The following DNAJC17 variants were observed in gnomAD, a reference collection of about 807,000 sequenced individuals.
DNAJC17 encodes dnaJ homolog subfamily C member 17.
DNAJC17 carries 35 observed loss-of-function variants against 48.1 expected under a neutral mutation model. The ratio of observed to expected loss-of-function variants is 0.73; its 90% confidence interval spans 0.56 to 0.96. The LOEUF (loss-of-function observed/expected upper bound fraction) is 0.96, where lower values mean the gene tolerates loss of function less well. Ranked by LOEUF, DNAJC17 falls within the 50% of genes least tolerant of loss-of-function variation. The pLI, the probability that DNAJC17 is intolerant of heterozygous loss-of-function variation, is 0.00. For synonymous variants in DNAJC17, 117 were observed against 142.7 expected (o/e 0.82, Z 1.28); for missense variants, 355 against 377.1 (o/e 0.94, Z 0.48).
At chr15:40,779,841 C>T (rs1446632521) in intron 2 of DNAJC17, 87 bp downstream of exon 2, 17 of 1,439,404 alleles carry the variant, frequency 1.2e-5, no homozygotes, top group Non-Finnish European at 1.5e-5. Flanking sequence ...TTACACCCCA[C>T]AGCACTCACA....
rs1404867168 is a variant in DNAJC17 at position 40,769,373 on chromosome 15, G to C, written c.793-1311C>G. 2.0e-5 allele frequency among the ~76,000 whole-genome samples: 3 copies of C among 152,208 alleles called. No individual in the cohort carries two copies. Among genetic ancestry groups the C allele is most frequent in the African/African-American group, 7.2e-5 (3 of 41,454 alleles). On this transcript the variant is annotated intron_variant, in intron 10 of 10. Coordinates refer to ENST00000220496, the MANE Select transcript of DNAJC17 (RefSeq NM_018163.3). The surrounding 1 kb of genome is among the most constrained non-coding windows in gnomAD (Gnocchi z 4.2). ...CGCTCTCCTGGCAGGAGCCCTCTAGGGTAAAACAAGGGAGGACAAGGAAAT... is the reference window on the plus strand; with the variant it reads ...CGCTCTCCTGGCAGGAGCCCTCTAGCGTAAAACAAGGGAGGACAAGGAAAT...
chr15:40,799,587 G>A (rs1890026547), intron 1 of DNAJC17, among the ~76,000 whole-genome samples: 1 of 152,178 alleles, frequency 6.6e-6, no homozygotes, highest in African/African-American at 2.4e-5. Context: ...GCCCCCGGTT[G>A]AGAGTAAAAA....
chr15:40,792,585 C>T (rs1480208251), intron 1 of DNAJC17: 119 of 947,782 alleles, frequency 1.3e-4, no homozygotes, highest in Non-Finnish European at 1.4e-4. Context: ...GAGGCCGAGG[C>T]AGGAGGACTG....
rs869145933 is a variant in DNAJC17, at chr15:40,797,417, CT to C, written c.78+9951del. ...AGTAGGGACTCAAACAGATTTCTTT[CT>C]TTTTTTTTTTTTGAGATGGAGTTTC... On this transcript the variant is annotated intron_variant, in intron 1 of 10. Coordinates refer to ENST00000220496, the MANE Select transcript of DNAJC17 (RefSeq NM_018163.3). 3.8e-3 allele frequency among the ~76,000 whole-genome samples: 540 copies of C among 143,380 alleles called. 1 individual carries two copies. The highest frequency in any genetic ancestry group is 4.6e-3 in the Non-Finnish European group (300 of 64,956). The allele number at this position is 143,380 out of a possible 152,430, so 94.1% of individuals were successfully genotyped here.
intron 10 of DNAJC17, 49 bp downstream of exon 10, chr15:40,773,678 A>G: frequency 1.4e-6 from 2 of 1,461,856 alleles, no homozygotes; most frequent in Non-Finnish European, 1.9e-6. Flanking sequence ...CCCAGGTAGG[A>G]AGAGCTCCGA....
intron 5 of DNAJC17, 104 bp downstream of exon 5, chr15:40,776,438 G>C: frequency 6.7e-7 from 1 of 1,486,108 alleles, no homozygotes; most frequent in Non-Finnish European, 9.3e-7. Flanking sequence ...CCCACTGAAG[G>C]TGCAAAGAGC....
chr15:40,803,587 T>A (rs1371958555), intron 1 of DNAJC17, among the ~76,000 whole-genome samples: 1 of 152,174 alleles, frequency 6.6e-6, no homozygotes, highest in Non-Finnish European at 1.5e-5. Context: ...CCTGCCTCCA[T>A]CTCCACATGT....
At position 40,769,784 on chromosome 15, in the gene DNAJC17, C is replaced by CCCATT. The variant is rs750312710; in HGVS notation, c.793-1723_793-1722insAATGG. On this transcript the variant is annotated intron_variant, in intron 10 of 10. Coordinates refer to ENST00000220496, the MANE Select transcript of DNAJC17 (RefSeq NM_018163.3). The surrounding 1 kb of genome is among the most constrained non-coding windows in gnomAD (Gnocchi z 4.2). ...GTGGGGCTGTGATCAGAAAGGAAGC[C>CCCATT]GCGTGGTGACACATAAAGCAGGGCT... The CCCATT allele has an allele frequency of 1.4e-4, 21 of 152,514 alleles. No individual in the cohort carries two copies. Among genetic ancestry groups the CCCATT allele is most frequent in the Non-Finnish European group, 2.6e-4 (18 of 68,302 alleles). The allele number at this position is 152,514 out of a possible 1,614,324, so 9.4% of individuals were successfully genotyped here.
At chr15:40,786,556 A>C (rs769186877) in intron 1 of DNAJC17, among the ~76,000 whole-genome samples, 17 of 152,220 alleles carry the variant, frequency 1.1e-4, no homozygotes, top group Non-Finnish European at 2.1e-4. Context: ...GGCAGAGCTG[A>C]AGCAGCCACA....
At position 40,767,173 on chromosome 15, in the gene DNAJC17, C is replaced by T. The variant is rs1888967053; in HGVS notation, c.*767G>A. 1 of 1,442,058 alleles carries T rather than the reference C, an allele frequency of 6.9e-7. No individual in the cohort carries two copies. The highest frequency in any genetic ancestry group is 1.5e-5 in the African/African-American group (1 of 67,692). The allele number at this position is 1,442,058 out of a possible 1,614,324, so 89.3% of individuals were successfully genotyped here. A position where few individuals can be genotyped will look rare whatever the true frequency, so the allele number is the denominator to read the frequency against. On this transcript the variant is annotated 3_prime_UTR_variant, in exon 11 of 11. Coordinates refer to ENST00000220496, the MANE Select transcript of DNAJC17 (RefSeq NM_018163.3). ...GCCTGCTGCAGACACTAGCTTTGTA[C>T]CAGGAGCTTGCTGTGTGCCCCTCCT... is the stretch of plus-strand genomic sequence containing the variant.
intron 1 of DNAJC17, among the ~76,000 whole-genome samples, chr15:40,802,754 T>C (rs1297415721): frequency 1.3e-5 from 2 of 152,106 alleles, no homozygotes; most frequent in African/African-American, 4.8e-5. Context: ...AGTTTCGCCA[T>C]CAGTAACACA....
chr15:40,776,311 G>A lies in DNAJC17; in HGVS notation c.382-19C>T. 6.2e-7 allele frequency: 1 copy of A among 1,611,462 alleles called. No individual in the cohort carries two copies. The highest frequency in any genetic ancestry group is 8.5e-7 in the Non-Finnish European group (1 of 1,178,378). Reference sequence around the variant, plus strand: ...GTTCGATCTGCAGAGCAGGGGGTGGGGGTGACAATTCTGTGCAGGTCCAAT... The same window carrying A: ...GTTCGATCTGCAGAGCAGGGGGTGGAGGTGACAATTCTGTGCAGGTCCAAT... On this transcript the variant is annotated intron_variant, in intron 5 of 10. Transcript: ENST00000220496.
At chr15:40,790,949 C>G (rs2141958312) in intron 1 of DNAJC17, among the ~76,000 whole-genome samples, 1 of 152,194 alleles carries the variant, frequency 6.6e-6, no homozygotes, top group South Asian at 2.1e-4. Context: ...GACTTAGAGA[C>G]CAGCTGCTAG....
chr15:40,802,327 G>A (rs939949936), intron 1 of DNAJC17, among the ~76,000 whole-genome samples: 3 of 151,988 alleles, frequency 2.0e-5, no homozygotes, highest in African/African-American at 2.4e-5. Flanking sequence ...GTGCCACCGC[G>A]TCTGGCTAGT....
chr15:40,770,646 G>T lies in DNAJC17; in HGVS notation c.793-2584C>A, dbSNP rs1352332909. 2 of 1,550,228 alleles carry T rather than the reference G, an allele frequency of 1.3e-6. No individual in the cohort carries two copies. The highest frequency in any genetic ancestry group is 1.4e-5 in the African/African-American group (1 of 73,164). On this transcript the variant is annotated intron_variant, in intron 10 of 10. Transcript: ENST00000220496. The surrounding 1 kb of genome is among the most constrained non-coding windows in gnomAD (Gnocchi z 5.0). ...CCACGAGGAGTACAGCAACCGAGAAGTCATCCGGGAGCTACAAGGGAGGCC... is the reference window on the plus strand; with the variant it reads ...CCACGAGGAGTACAGCAACCGAGAATTCATCCGGGAGCTACAAGGGAGGCC...
Position 40,799,683 on chromosome 15 carries a change from T to C in DNAJC17, c.78+7686A>G, listed in dbSNP as rs1207030842. 2.0e-5 allele frequency among the ~76,000 whole-genome samples: 3 copies of C among 152,166 alleles called. No individual in the cohort carries two copies. In the East Asian group the frequency reaches 5.8e-4, roughly 29 times the overall value. ...CTGTTGCTGGATCATATTACTTCTA[T>C]ATTTAATTACCATATGAATCATATG... On this transcript the variant is annotated intron_variant, in intron 1 of 10. Transcript: ENST00000220496.
chr15:40,798,502 T>C (rs1889995035), intron 1 of DNAJC17, among the ~76,000 whole-genome samples: 1 of 152,204 alleles, frequency 6.6e-6, no homozygotes, highest in Admixed American at 6.5e-5. Flanking sequence ...TGGTAAGCAG[T>C]AAATTTTGCG....
intron 1 of DNAJC17, among the ~76,000 whole-genome samples, chr15:40,794,964 C>A (rs893292241): frequency 1.3e-5 from 2 of 152,038 alleles, no homozygotes; most frequent in African/African-American, 2.4e-5. Context: ...GGTGAGCCCC[C>A]CGCCTCGGCC....
At chr15:40,784,360 A>T (rs1171629146) in intron 1 of DNAJC17, among the ~76,000 whole-genome samples, 1 of 152,160 alleles carries the variant, frequency 6.6e-6, no homozygotes, top group Non-Finnish European at 1.5e-5. Flanking sequence ...TGTGTTTCAT[A>T]ATTTATTTTG....
Sources: gnomAD v4.1 joint callset for allele counts (sites outside exome capture counted in the v4.1 genomes callset) on GRCh38, gnomAD v4.1.1 for gene constraint, Gnocchi (gnomAD v3.1) non-coding constraint, MANE v1.5 for transcripts, NCBI Gene and HGNC (gene_info 2026-07-23, HGNC 2026-07-21) for gene names.